DENND2D: variants seen among roughly 807,000 people sequenced by gnomAD.
DENND2D encodes the protein DENN domain containing 2D.
In DENND2D, 37 loss-of-function variants were observed where a neutral mutation model predicts 59.8. That is an observed-to-expected ratio of 0.62 (90% confidence interval 0.48 to 0.81). The LOEUF is 0.81. DENND2D is among the 40% of genes least tolerant of loss of function. The pLI, the probability that DENND2D is intolerant of heterozygous loss-of-function variation, is 0.00. For synonymous variants in DENND2D, 219 were observed against 211.3 expected (o/e 1.04, Z -0.31); for missense variants, 525 against 579.7 (o/e 0.91, Z 0.97).
chr1:111,195,952 GAC>G lies in DENND2D; in HGVS notation c.607_608del (p.Val203HisfsTer12). 1 of 1,614,104 alleles carries G rather than the reference GAC, an allele frequency of 6.2e-7. No homozygotes were observed. Among genetic ancestry groups the G allele is most frequent in the Non-Finnish European group, 8.5e-7 (1 of 1,180,022 alleles). The part of the protein sequence containing the change: ...EAAFPAPGKT[V>X]TLKSFIPDSG... The stretch of plus-strand genomic sequence containing the variant: ...AGTCGGGGATGAAGCTCTTGAGAGT[GAC>G]AGTCTTCCCAGGAGCAGGGAAGGCT... On this transcript the variant is annotated frameshift_variant, in exon 6 of 12. Coordinates refer to ENST00000357640, the MANE Select transcript of DENND2D (RefSeq NM_024901.5). LOFTEE classifies it high-confidence loss of function.
At chr1:111,201,375 C>T (rs1658784292), upstream of DENND2D, 1 of 152,180 alleles carries the variant, frequency 6.6e-6, no homozygotes, top group Non-Finnish European at 1.5e-5. Flanking sequence ...GAAGACTGTC[C>T]CCAGCATAAG....
chr1:111,204,370 G>A (rs539289160), upstream of DENND2D: 103 of 1,415,162 alleles, frequency 7.3e-5, no homozygotes, highest in Middle Eastern at 1.9e-4. Flanking sequence ...TGGAGTGCCC[G>A]GCTCCCGCTC....
In DENND2D at chr1:111,188,276, T is replaced by G. The variant is rs1054961979; in HGVS notation, c.1194A>C (p.Ala398=). ...GHYASYIKRE[A]NGQGHFQERS... ...TTTCTTGGAAGTGGCCTTGCCCATT[T>G]GCCTCCCGCTTGATATAGGAAGCAT... Residue 398 remains alanine (A), a synonymous_variant, in exon 11 of 12, where the codon GCA becomes GCC. Transcript: ENST00000357640. The G allele has an allele frequency of 6.2e-7, 1 of 1,614,110 alleles. No homozygotes were observed. The highest frequency in any genetic ancestry group is 1.3e-5 in the African/African-American group (1 of 74,936).
intron 8 of DENND2D, among the ~76,000 whole-genome samples, chr1:111,191,269 T>A (rs1374624198): frequency 2.0e-5 from 3 of 152,122 alleles, no homozygotes; most frequent in Non-Finnish European, 4.4e-5. Context: ...TTTGCAGCAA[T>A]GGTTTCTATA....
chr1:111,199,970 C>G, intron 1 of DENND2D, 172 bp from the exon 2 acceptor site: 2 of 749,630 alleles, frequency 2.7e-6, no homozygotes, highest in Non-Finnish European at 4.2e-6. Context: ...TGGGCAGTTT[C>G]CACACCTGCC....
upstream of DENND2D, among the ~76,000 whole-genome samples, chr1:111,203,194 A>G (rs1421286441): frequency 6.6e-6 from 1 of 152,196 alleles, no homozygotes; most frequent in Non-Finnish European, 1.5e-5. Flanking sequence ...GGACACTACA[A>G]AGAGGGAAGG....
At chr1:111,189,754 T>C (rs1657558248) in intron 8 of DENND2D, among the ~76,000 whole-genome samples, 1 of 152,242 alleles carries the variant, frequency 6.6e-6, no homozygotes, top group African/African-American at 2.4e-5. Flanking sequence ...TAGACTGATA[T>C]TCTTGAGATT....
chr1:111,197,120 T>C (rs1045347213), intron 5 of DENND2D, 56 bp downstream of exon 5: 3 of 1,564,688 alleles, frequency 1.9e-6, no homozygotes, highest in South Asian at 1.2e-5. Context: ...ACAGGCAGGG[T>C]TGGCAGCCAG....
upstream of DENND2D, among the ~76,000 whole-genome samples, chr1:111,202,660 C>T (rs1490694982): frequency 6.6e-6 from 1 of 150,628 alleles, no homozygotes; most frequent in East Asian, 2.0e-4. Flanking sequence ...TGCTCTCAAC[C>T]CAGGACCACC....
Position 111,197,170 on chromosome 1 carries a change from C to A in DENND2D, c.504+6G>T, listed in dbSNP as rs566969609. ...ATGGGCAGGCCCTGAGGAATCCTAT[C>A]CCTACCTTGGAGAACAAGCCGAAGC... On this transcript the variant is annotated splice_donor_region_variant and intron_variant, in intron 5 of 11. Transcript: ENST00000357640. 1.7e-5 allele frequency: 27 copies of A among 1,601,586 alleles called. 1 individual carries two copies. In the South Asian group the frequency reaches 2.8e-4, roughly 17 times the overall value.
chr1:111,204,535 C>A, upstream of DENND2D: 1 of 585,098 alleles, frequency 1.7e-6, no homozygotes, highest in Non-Finnish European at 2.7e-6. Flanking sequence ...GGCGGGCCCG[C>A]TCTGCCCTCG....
In DENND2D at chr1:111,188,713, T is replaced by C. The variant is rs200645745; in HGVS notation, c.1088A>G (p.Asn363Ser). 10 of 1,613,984 alleles carry C rather than the reference T, an allele frequency of 6.2e-6. No homozygotes were observed. In the South Asian group the frequency reaches 6.6e-5, roughly 11 times the overall value. ...GAGTAAGGACTTACTCTTTAACTCA[T>C]TGATCCCCTGACCAAGAGAGTCTAA... Reference protein sequence around the residue: ...DILDSLGQGINELKTAEQINE... With the variant: ...DILDSLGQGISELKTAEQINE... The change falls in exon 10 of 12, where the codon AAT (asparagine) becomes AGT (serine). Residue 363 changes from asparagine to serine, a missense_variant. Around this residue, in one of 3 missense-constraint regions of DENND2D, gnomAD observed 225 missense variants for 252.4 expected, o/e 0.89. Transcript: ENST00000357640.
Position 111,200,400 on chromosome 1 carries a change from GA to G in DENND2D, c.59del (p.Leu20ProfsTer14). The G allele has an allele frequency of 6.2e-7, 1 of 1,612,274 alleles. No homozygotes were observed. The highest frequency in any genetic ancestry group is 1.7e-4 in the Middle Eastern group (1 of 6,060). On this transcript the variant is annotated frameshift_variant, in exon 1 of 12. Coordinates refer to ENST00000357640, the MANE Select transcript of DENND2D (RefSeq NM_024901.5). LOFTEE classifies it high-confidence loss of function. ...FRLFQRRLLQ[L>X]RAGPPQDNSG... ...AGGCAGTCCAGTCCTGACCTGCTCG[GA>G]GTTGAAGCAGTCGGCGTTGGAAGAG...
upstream of DENND2D, chr1:111,204,388 C>A (rs1291934108): frequency 1.6e-5 from 22 of 1,361,996 alleles, no homozygotes; most frequent in Non-Finnish European, 2.1e-5. Flanking sequence ...CTCCCAGCTC[C>A]GCGCTGGCCC....
chr1:111,197,898 G>A (rs765885514), intron 4 of DENND2D, 22 bp downstream of exon 4: 2 of 1,613,328 alleles, frequency 1.2e-6, no homozygotes, highest in South Asian at 2.2e-5. Flanking sequence ...GAAAGGAAGG[G>A]GCAGTTCTGA....
chr1:111,196,510 A>G (rs747059), intron 5 of DENND2D: 2 of 162,862 alleles, frequency 1.2e-5, no homozygotes, highest in South Asian at 3.1e-4. Context: ...CTCCATCCCT[A>G]GGAGCACTGC....
intron 1 of DENND2D, 125 bp from the exon 2 acceptor site, chr1:111,199,923 T>C (rs1658634711): frequency 2.4e-6 from 3 of 1,237,852 alleles, no homozygotes; most frequent in African/African-American, 1.5e-5. Context: ...ACCTGGATAC[T>C]GGCCAGAACC....
upstream of DENND2D, chr1:111,204,085 C>T (rs1207299281): frequency 4.0e-5 from 8 of 201,374 alleles, no homozygotes; most frequent in Non-Finnish European, 6.7e-5. Context: ...TCAGGCCTGG[C>T]CTCGCCGTCC....
chr1:111,194,533 G>T, intron 7 of DENND2D, 45 bp downstream of exon 7: 1 of 1,606,156 alleles, frequency 6.2e-7, no homozygotes. Flanking sequence ...CTTGAACCCA[G>T]GGATGCTGGG....
Sources: allele counts gnomAD v4.1 joint callset (sites outside exome capture counted in the v4.1 genomes callset), GRCh38; gene constraint gnomAD v4.1.1; regional missense constraint gnomAD v4.1.1; transcripts MANE v1.5; gene names NCBI Gene and HGNC (gene_info 2026-07-23, HGNC 2026-07-21).